SYT2: variants seen among roughly 807,000 people sequenced by gnomAD.
SYT2 encodes the protein synaptotagmin-2.
In SYT2, 15 loss-of-function variants were observed where a neutral mutation model predicts 39.9. The observed-to-expected ratio is 0.38, with a 90% confidence interval of 0.25 to 0.58. SYT2 has a LOEUF of 0.58. Ranked by LOEUF, SYT2 falls within the 20% of genes least tolerant of loss-of-function variation. SYT2 has a pLI of 0.70. For missense variants in SYT2, 389 were observed against 530.3 expected (o/e 0.73, Z 2.62); for synonymous variants, 181 against 204.5 (o/e 0.89, Z 0.98).
chr1:202,660,532 T>A (rs139759834), intron 1 of SYT2, among the ~76,000 whole-genome samples: 15 of 152,354 alleles, frequency 9.8e-5, no homozygotes, highest in African/African-American at 3.6e-4. Flanking sequence ...AAAGTTCAGA[T>A]TCCCAGGCCC....
At chr1:202,708,726 G>A (rs1297726102) in intron 1 of SYT2, among the ~76,000 whole-genome samples, 1 of 152,130 alleles carries the variant, frequency 6.6e-6, no homozygotes, top group Non-Finnish European at 1.5e-5. Flanking sequence ...CATTCCACAG[G>A]ACCAGGATGC....
chr1:202,635,109 C>T (rs1292431147), intron 1 of SYT2, among the ~76,000 whole-genome samples: 2 of 152,126 alleles, frequency 1.3e-5, no homozygotes, highest in Admixed American at 6.6e-5. Flanking sequence ...GATAGTAAAT[C>T]ATATCCATTC....
At chr1:202,608,089 T>A (rs920659807) in intron 1 of SYT2, among the ~76,000 whole-genome samples, 4 of 152,200 alleles carry the variant, frequency 2.6e-5, no homozygotes, top group African/African-American at 9.6e-5. Flanking sequence ...CAGCAACCAC[T>A]AATCTACTTT....
chr1:202,705,308 C>A (rs1024329589), intron 1 of SYT2, among the ~76,000 whole-genome samples: 1 of 152,264 alleles, frequency 6.6e-6, no homozygotes, highest in Admixed American at 6.5e-5. Flanking sequence ...GTGATGAGAG[C>A]TTGACCGCCC....
At chr1:202,701,876 G>A (rs1013585891) in intron 1 of SYT2, among the ~76,000 whole-genome samples, 1 of 152,274 alleles carries the variant, frequency 6.6e-6, no homozygotes. Flanking sequence ...TGAGGACCCC[G>A]AAGTTCAGAA....
Position 202,698,151 on chromosome 1 carries a change from C to T in SYT2, c.-18+12107G>A, listed in dbSNP as rs377395933. On this transcript the variant is annotated intron_variant, in intron 1 of 8. Coordinates refer to ENST00000367268, the MANE Select transcript of SYT2 (RefSeq NM_177402.5). ...AGTTCACTCTGCTCAAGTGACCCCT[C>T]TCACCACAGGGAATACTCTCCCTTT... 1.2e-4 allele frequency among the ~76,000 whole-genome samples: 19 copies of T among 152,314 alleles called. 1 individual carries two copies. Among genetic ancestry groups the T allele is most frequent in the Admixed American group, 7.8e-4 (12 of 15,302 alleles).
intron 4 of SYT2, among the ~76,000 whole-genome samples, 158 bp downstream of exon 4, chr1:202,602,841 A>G (rs895701830): frequency 3.9e-5 from 6 of 152,130 alleles, no homozygotes; most frequent in Admixed American, 3.9e-4. Context: ...GCCAGCATCA[A>G]TGTCCAGAGC....
intron 1 of SYT2, among the ~76,000 whole-genome samples, chr1:202,620,567 G>A (rs547724925): frequency 2.7e-4 from 41 of 152,030 alleles, no homozygotes; most frequent in African/African-American, 7.2e-4. Flanking sequence ...GGGATACGCC[G>A]GGATGGGGAG....
chr1:202,631,268 C>T lies in SYT2; in HGVS notation c.-17-25479G>A, dbSNP rs572799975. ...AGTTCCAGTTCACCCTACAGATGAC[C>T]CCTGCTTGGAGCTGTGACTATAAAT... On this transcript the variant is annotated intron_variant, in intron 1 of 8. Transcript: ENST00000367268. 2.6e-5 allele frequency among the ~76,000 whole-genome samples: 4 copies of T among 152,202 alleles called. No homozygotes were observed. In the South Asian group the frequency reaches 6.2e-4, roughly 24 times the overall value.
At chr1:202,659,677 C>A (rs946302441) in intron 1 of SYT2, among the ~76,000 whole-genome samples, 2 of 152,186 alleles carry the variant, frequency 1.3e-5, no homozygotes, top group Non-Finnish European at 2.9e-5. Flanking sequence ...CTCCCCATGA[C>A]CTGGAGGGGC....
chr1:202,699,010 CTTTTTTTTTTT>C (rs5780118), intron 1 of SYT2, among the ~76,000 whole-genome samples: 28 of 97,946 alleles, frequency 2.9e-4, no homozygotes, highest in African/African-American at 1.0e-3. Context: ...ACCAAACTGT[CTTTTTTTTTTT>C]TTTTTTTTTT....
intron 1 of SYT2, among the ~76,000 whole-genome samples, chr1:202,652,092 C>T (rs188115586): frequency 2.6e-4 from 39 of 152,308 alleles, no homozygotes; most frequent in Admixed American, 2.2e-3. Context: ...TGGTGCCTAT[C>T]GCAGCCAATC....
At chr1:202,611,089 C>T (rs559761678) in intron 1 of SYT2, among the ~76,000 whole-genome samples, 139 of 152,270 alleles carry the variant, frequency 9.1e-4, no homozygotes, top group African/African-American at 3.2e-3. Flanking sequence ...GGAGGTGAAG[C>T]GGCATTTCAT....
chr1:202,658,593 G>T (rs956330182), intron 1 of SYT2, among the ~76,000 whole-genome samples: 1 of 152,066 alleles, frequency 6.6e-6, no homozygotes, highest in Non-Finnish European at 1.5e-5. Flanking sequence ...TACGTGTGGC[G>T]TGTGTGTGCC....
At chr1:202,691,737 G>GAC (rs1245200164) in intron 1 of SYT2, among the ~76,000 whole-genome samples, 1 of 57,408 alleles carries the variant, frequency 1.7e-5, no homozygotes, top group South Asian at 6.9e-4. Flanking sequence ...GGGGGGGAGA[G>GAC]AGAGAGAGAG....
At chr1:202,699,809 G>A (rs138811432) in intron 1 of SYT2, among the ~76,000 whole-genome samples, 10 of 152,006 alleles carry the variant, frequency 6.6e-5, no homozygotes, top group Admixed American at 2.0e-4. Context: ...GGGCTCTACC[G>A]GCTGAGAGGC....
intron 1 of SYT2, among the ~76,000 whole-genome samples, chr1:202,613,349 G>A (rs1690942337): frequency 6.6e-6 from 1 of 152,018 alleles, no homozygotes; most frequent in Non-Finnish European, 1.5e-5. Flanking sequence ...CCGAAGTGCT[G>A]GGATTACAGG....
intron 1 of SYT2, among the ~76,000 whole-genome samples, chr1:202,709,503 G>A (rs930333999): frequency 2.6e-5 from 4 of 152,210 alleles, no homozygotes; most frequent in Non-Finnish European, 5.9e-5. Flanking sequence ...CACCCCAAAT[G>A]GGAAAGGTAC....
At chr1:202,610,501 G>T (rs1486261370) in intron 1 of SYT2, among the ~76,000 whole-genome samples, 1 of 152,106 alleles carries the variant, frequency 6.6e-6, no homozygotes, top group African/African-American at 2.4e-5. Context: ...GGAAATAAAG[G>T]GTATTCAGTT....
Sources: gnomAD v4.1 joint callset for allele counts (sites outside exome capture counted in the v4.1 genomes callset) on GRCh38, gnomAD v4.1.1 for gene constraint, MANE v1.5 for transcripts, NCBI Gene and HGNC (gene_info 2026-07-23, HGNC 2026-07-21) for gene names.